Variants in NPM2 observed in about 807,000 individuals in gnomAD.
NPM2 encodes the protein nucleophosmin/nucleoplasmin 2.
Under a neutral mutation model 32.0 loss-of-function variants are expected in NPM2, and 25 were observed. That is an observed-to-expected ratio of 0.78 (90% CI 0.57 to 1.09). The LOEUF (loss-of-function observed/expected upper bound fraction) is 1.09, where lower values mean the gene tolerates loss of function less well. Among genes scored for constraint, NPM2 ranks in the 50% least tolerant of loss-of-function variants. The pLI, the probability that NPM2 is intolerant of heterozygous loss-of-function variation, is 0.00. For missense variants in NPM2, 282 were observed against 259.9 expected, an observed-to-expected ratio of 1.08 and a Z score of -0.58; for synonymous variants, 111 against 94.2, an observed-to-expected ratio of 1.18 and a Z score of -1.04.
At chr8:22,025,910 C>T (rs989199116) in intron 5 of NPM2, 138 bp downstream of exon 5, 45 of 1,278,130 alleles carry the variant, frequency 3.5e-5, no homozygotes, top group East Asian at 4.7e-5. Context: ...TGCAGAAAGC[C>T]GGGGTCCAGC....
chr8:22,033,433 C>A (rs1388980742), intron 6 of NPM2, among the ~76,000 whole-genome samples: 1 of 152,158 alleles, frequency 6.6e-6, no homozygotes, highest in East Asian at 1.9e-4. Context: ...AGGCTGCAGC[C>A]CCTCACTTGT....
chr8:22,027,514 T>A (rs1031963723), intron 5 of NPM2, among the ~76,000 whole-genome samples: 1 of 152,140 alleles, frequency 6.6e-6, no homozygotes, highest in African/African-American at 2.4e-5. Context: ...ATCCACATAT[T>A]CAATTTTTAT....
chr8:22,025,822 C>T (rs371529851), intron 5 of NPM2, 50 bp downstream of exon 5: 2 of 1,611,412 alleles, frequency 1.2e-6, no homozygotes, highest in East Asian at 2.2e-5. Context: ...TCACCCTCAC[C>T]CTTGGGTGGG....
intron 8 of NPM2, 43 bp from the exon 9 acceptor site, chr8:22,036,450 C>T (rs1254838415): frequency 1.3e-6 from 2 of 1,586,742 alleles, no homozygotes; most frequent in African/African-American, 1.4e-5. Flanking sequence ...GAGCTCTCTC[C>T]CTGACCCCAA....
intron 6 of NPM2, among the ~76,000 whole-genome samples, 155 bp downstream of exon 6, chr8:22,033,378 G>A (rs567464555): frequency 4.1e-4 from 62 of 152,354 alleles, no homozygotes; most frequent in African/African-American, 1.5e-3. Flanking sequence ...TGGAAGGCAA[G>A]GGCGCTGGTC....
intron 6 of NPM2, among the ~76,000 whole-genome samples, chr8:22,033,620 A>C (rs1242083971): frequency 1.3e-5 from 2 of 152,190 alleles, no homozygotes; most frequent in East Asian, 3.8e-4. Flanking sequence ...GACTCCTTCA[A>C]GGTCCCTTCA....
intron 5 of NPM2, among the ~76,000 whole-genome samples, chr8:22,030,495 C>T (rs1316018097): frequency 1.3e-5 from 2 of 152,182 alleles, no homozygotes; most frequent in Non-Finnish European, 2.9e-5. Flanking sequence ...CCACCTCAGC[C>T]TCTCAAAGTG....
Position 22,036,827 on chromosome 8 carries a change from A to C in NPM2, c.*145A>C. ...GCAACATGAGAGCCCCTCACCCCCA[A>C]CTCTCCACTTTCAGGAGGCCCCCAG... On this transcript the variant is annotated 3_prime_UTR_variant, in exon 10 of 10. Transcript: ENST00000518119. The C allele has an allele frequency of 3.9e-6, 3 of 770,744 alleles. No individual in the cohort carries two copies. Among genetic ancestry groups the C allele is most frequent in the Non-Finnish European group, 6.0e-6 (3 of 503,446 alleles). The allele number at this position is 770,744 out of a possible 1,614,324, so 47.7% of individuals were successfully genotyped here.
intron 6 of NPM2, 133 bp downstream of exon 6, chr8:22,033,356 A>G: frequency 2.7e-6 from 2 of 744,900 alleles, no homozygotes; most frequent in Non-Finnish European, 4.7e-6. Flanking sequence ...CATGACAGCC[A>G]GCAGCCTGGA....
At position 22,028,742 on chromosome 8, in the gene NPM2, G is replaced by A. The variant is rs184847961; in HGVS notation, c.270+2970G>A. On this transcript the variant is annotated intron_variant, in intron 5 of 9. Transcript: ENST00000518119. ...CCGAGAGTGTATTATGGCCTGCTTC[G>A]AAGCCTTTGTGTTCTGGCCTCAGCA... Among the ~76,000 whole-genome samples, 51 of 152,220 alleles carry A rather than the reference G, an allele frequency of 3.4e-4. 1 individual carries two copies. Among genetic ancestry groups the A allele is most frequent in the Non-Finnish European group, 5.6e-4 (38 of 68,010 alleles).
chr8:22,035,932 CAAA>C (rs71204531), intron 8 of NPM2, among the ~76,000 whole-genome samples: 4 of 80,578 alleles, frequency 5.0e-5, no homozygotes, highest in Admixed American at 1.4e-4. Context: ...GACTCCATCT[CAAA>C]AAAAAAAAAA....
At chr8:22,027,835 G>A (rs758821568) in intron 5 of NPM2, among the ~76,000 whole-genome samples, 4 of 152,094 alleles carry the variant, frequency 2.6e-5, no homozygotes, top group Non-Finnish European at 2.9e-5. Context: ...TCGAACTCCT[G>A]ACCTCAGGTG....
intron 5 of NPM2, among the ~76,000 whole-genome samples, chr8:22,027,911 C>A (rs1314824389): frequency 2.0e-5 from 3 of 152,076 alleles, no homozygotes; most frequent in African/African-American, 4.8e-5. Flanking sequence ...CCAGCCAAAT[C>A]CTCTTTTTTC....
intron 5 of NPM2, among the ~76,000 whole-genome samples, chr8:22,028,483 T>C (rs1563352949): frequency 2.4e-5 from 1 of 41,134 alleles, no homozygotes; most frequent in Non-Finnish European, 4.4e-5. Flanking sequence ...CATGCCCAGC[T>C]GATTTTTTTT....
rs529534721 is a variant in NPM2, at chr8:22,025,130, C to T, written c.-33-86C>T. On this transcript the variant is annotated intron_variant, in intron 2 of 9. Coordinates refer to ENST00000518119, the MANE Select transcript of NPM2 (RefSeq NM_001286680.2). ...TCCAGCCGCGAGCGACCCCTCAGTA[C>T]CTGCCGATGCCTGCTGGTCTCTGGC... is the stretch of plus-strand genomic sequence containing the variant. 1.8e-4 allele frequency: 212 copies of T among 1,181,630 alleles called. 1 individual carries two copies. The East Asian group carries it at 5.4e-3, about 30-fold the overall frequency. 73.2% of individuals were successfully genotyped at this position (1,181,630 alleles called of 1,614,324 possible).
chr8:22,034,662 C>CG, intron 8 of NPM2, 118 bp downstream of exon 8: 2 of 781,810 alleles, frequency 2.6e-6, no homozygotes, highest in Non-Finnish European at 4.2e-6. Context: ...TGTCTACCTG[C>CG]ACTCGCAGGC....
chr8:22,025,309 G>C lies in NPM2; in HGVS notation c.58+3G>C, dbSNP rs374038826. 1 of 1,607,648 alleles carries C rather than the reference G, an allele frequency of 6.2e-7. No individual in the cohort carries two copies. Among genetic ancestry groups the C allele is most frequent in the East Asian group, 2.2e-5 (1 of 44,646 alleles). The stretch of plus-strand genomic sequence containing the variant: ...GGCAGTGACGACCGTGCTCTGGGGT[G>C]AGTGGGGACTCAGGCTCCTTCCCAG... On this transcript the variant is annotated splice_donor_region_variant and intron_variant, in intron 3 of 9. Coordinates refer to ENST00000518119, the MANE Select transcript of NPM2 (RefSeq NM_001286680.2).
intron 5 of NPM2, among the ~76,000 whole-genome samples, chr8:22,026,840 C>T (rs2117448675): frequency 6.6e-6 from 1 of 152,298 alleles, no homozygotes; most frequent in East Asian, 1.9e-4. Context: ...TCAGGTCTGA[C>T]ATCCTTATTT....
intron 6 of NPM2, 74 bp downstream of exon 6, chr8:22,033,297 C>T (rs898200911): frequency 9.9e-6 from 11 of 1,110,608 alleles, no homozygotes; most frequent in Non-Finnish European, 1.5e-5. Flanking sequence ...ACTAGCTACT[C>T]AAACACTGGA....
Sources: allele counts gnomAD v4.1 joint callset (sites outside exome capture counted in the v4.1 genomes callset), GRCh38; gene constraint gnomAD v4.1.1; transcripts MANE v1.5; gene names NCBI Gene and HGNC (gene_info 2026-07-23, HGNC 2026-07-21).